RHBDD1: variants seen among roughly 807,000 people sequenced by gnomAD.
RHBDD1 encodes rhomboid-related protein 4.
RHBDD1 carries 38 observed loss-of-function variants against 36.3 expected under a neutral mutation model. The observed-to-expected ratio is 1.05, with a 90% CI of 0.81 to 1.37. RHBDD1 has a LOEUF of 1.37. RHBDD1 is among the 40% of genes most tolerant of loss of function. The pLI, the probability that RHBDD1 is intolerant of heterozygous loss-of-function variation, is 0.00. For synonymous variants in RHBDD1, 151 were observed against 136.5 expected, an observed-to-expected ratio of 1.11 and a Z score of -0.74; for missense variants, 393 against 377.6, an observed-to-expected ratio of 1.04 and a Z score of -0.34.
chr2:226,909,378 G>T (rs556082718), intron 7 of RHBDD1, among the ~76,000 whole-genome samples: 2 of 152,194 alleles, frequency 1.3e-5, no homozygotes, highest in East Asian at 3.9e-4. Flanking sequence ...AAGACTTCCT[G>T]TTAAAAGCGT....
intron 3 of RHBDD1, among the ~76,000 whole-genome samples, chr2:226,848,044 A>G (rs139799411): frequency 2.0e-5 from 3 of 152,344 alleles, no homozygotes; most frequent in African/African-American, 7.2e-5. Flanking sequence ...CTCTATTTAT[A>G]TAGAATACAT....
chr2:226,874,345 G>A (rs1017480239), intron 5 of RHBDD1, among the ~76,000 whole-genome samples: 11 of 152,150 alleles, frequency 7.2e-5, no homozygotes, highest in Non-Finnish European at 1.5e-4. Flanking sequence ...GGTATTGGAG[G>A]CAGATAGTAG....
intron 8 of RHBDD1, among the ~76,000 whole-genome samples, chr2:226,976,361 G>A (rs148998192): frequency 7.4e-4 from 112 of 150,888 alleles, no homozygotes; most frequent in African/African-American, 2.5e-3. Flanking sequence ...AGTCCAAGTC[G>A]AGACGTCTGC....
chr2:226,938,705 TG>T (rs1474092770), intron 8 of RHBDD1, among the ~76,000 whole-genome samples: 1 of 151,734 alleles, frequency 6.6e-6, no homozygotes, highest in East Asian at 1.9e-4. Flanking sequence ...AAAGAAGAGC[TG>T]GTACCATTCC....
chr2:226,978,447 C>A (rs917335516), intron 8 of RHBDD1, among the ~76,000 whole-genome samples: 2 of 152,022 alleles, frequency 1.3e-5, no homozygotes, highest in Non-Finnish European at 2.9e-5. Flanking sequence ...TGGATCTGAC[C>A]CCTGGACATA....
At chr2:226,860,059 G>A (rs1024692094) in intron 3 of RHBDD1, among the ~76,000 whole-genome samples, 2 of 152,194 alleles carry the variant, frequency 1.3e-5, no homozygotes, top group African/African-American at 4.8e-5. Context: ...ATAGGATTTG[G>A]GGGTAGCAGG....
intron 3 of RHBDD1, among the ~76,000 whole-genome samples, chr2:226,848,505 A>G (rs1942460841): frequency 6.6e-6 from 1 of 152,204 alleles, no homozygotes; most frequent in Admixed American, 6.5e-5. Context: ...CATTGTCACA[A>G]TAAGAAAAAA....
At chr2:226,833,260 T>A (rs2124869707), upstream of RHBDD1, among the ~76,000 whole-genome samples, 1 of 152,358 alleles carries the variant, frequency 6.6e-6, no homozygotes, top group East Asian at 1.9e-4. Context: ...AAAACAGTAA[T>A]CAATACTTGG....
At chr2:226,858,991 A>G (rs1406639044) in intron 3 of RHBDD1, among the ~76,000 whole-genome samples, 1 of 152,238 alleles carries the variant, frequency 6.6e-6, no homozygotes, top group Non-Finnish European at 1.5e-5. Flanking sequence ...CGTTATAAAT[A>G]CTGTTGTGGA....
chr2:226,864,744 T>A lies in RHBDD1; in HGVS notation c.51T>A (p.Ser17=), dbSNP rs748065771. 26 of 1,614,016 alleles carry A rather than the reference T, an allele frequency of 1.6e-5. No individual in the cohort carries two copies. Among genetic ancestry groups the A allele is most frequent in the Non-Finnish European group, 2.2e-5 (26 of 1,180,028 alleles). Residue 17 remains serine (S), a synonymous_variant, in exon 4 of 9, where the codon TCT becomes TCA. Transcript: ENST00000392062. ...GINTGLILLL[S]QIFHVGINNI... Reference sequence around the variant, plus strand: ...ATACTGGACTTATTCTACTCCTTTCTCAAATCTTCCATGTTGGGATCAACA... The same window carrying A: ...ATACTGGACTTATTCTACTCCTTTCACAAATCTTCCATGTTGGGATCAACA...
chr2:226,929,438 T>C (rs1025395298), intron 8 of RHBDD1, among the ~76,000 whole-genome samples: 2 of 151,992 alleles, frequency 1.3e-5, no homozygotes, highest in African/African-American at 4.8e-5. Context: ...AAGCATTTGC[T>C]AAAGTCCAGC....
intron 8 of RHBDD1, among the ~76,000 whole-genome samples, chr2:226,976,476 C>T (rs1954603358): frequency 1.3e-5 from 2 of 152,018 alleles, no homozygotes; most frequent in African/African-American, 4.8e-5. Context: ...CGCCTCCTTA[C>T]CTGGAAACCC....
At chr2:226,928,339 T>C (rs557722378) in intron 8 of RHBDD1, among the ~76,000 whole-genome samples, 18 of 152,192 alleles carry the variant, frequency 1.2e-4, no homozygotes, top group African/African-American at 3.9e-4. Flanking sequence ...AGAAATCAGT[T>C]CTAAAAGGAA....
At chr2:226,812,145 T>A in the RHBDD1 span, among the ~76,000 whole-genome samples, 3 of 152,208 alleles carry the variant, frequency 2.0e-5, no homozygotes, top group Admixed American at 6.5e-5. Context: ...TAGATTCAAT[T>A]GAGAAGGGGA....
upstream of RHBDD1, among the ~76,000 whole-genome samples, chr2:226,835,404 G>A (rs1344574553): frequency 6.6e-6 from 1 of 152,234 alleles, no homozygotes; most frequent in Non-Finnish European, 1.5e-5. Flanking sequence ...CAAACGTTGC[G>A]TGGTGCAGTC....
intron 8 of RHBDD1, among the ~76,000 whole-genome samples, chr2:226,934,244 A>G (rs1950205201): frequency 6.6e-6 from 1 of 152,166 alleles, no homozygotes; most frequent in African/African-American, 2.4e-5. Context: ...TCACCACAGA[A>G]ACATGCTATA....
At chr2:226,904,644 C>A (rs1490835900) in intron 5 of RHBDD1, among the ~76,000 whole-genome samples, 1 of 152,196 alleles carries the variant, frequency 6.6e-6, no homozygotes, top group Non-Finnish European at 1.5e-5. Flanking sequence ...GTTCTCTTTA[C>A]AAGGCTCCTG....
chr2:226,925,306 A>G (rs1949591295), intron 8 of RHBDD1, among the ~76,000 whole-genome samples: 1 of 152,224 alleles, frequency 6.6e-6, no homozygotes, highest in Admixed American at 6.5e-5. Context: ...TAAATTTAGT[A>G]ACAAAAACTT....
At chr2:226,967,845 A>G (rs1952767410) in intron 8 of RHBDD1, among the ~76,000 whole-genome samples, 1 of 152,056 alleles carries the variant, frequency 6.6e-6, no homozygotes, top group Non-Finnish European at 1.5e-5. Context: ...ATTCAGTGCC[A>G]GGGGCCCAGG....
Sources: gnomAD v4.1 joint callset for allele counts (sites outside exome capture counted in the v4.1 genomes callset) on GRCh38, gnomAD v4.1.1 for gene constraint, MANE v1.5 for transcripts, NCBI Gene and HGNC (gene_info 2026-07-23, HGNC 2026-07-21) for gene names.